Variants in WWOX observed in about 807,000 individuals in gnomAD.
WWOX encodes WW domain-containing oxidoreductase.
WWOX carries 69 observed loss-of-function variants against 46.2 expected under a neutral mutation model. The observed-to-expected ratio is 1.49, with a 90% CI of 1.23 to 1.82. The LOEUF is 1.82. Ranked by LOEUF, WWOX falls within the 40% of genes most tolerant of loss-of-function variation. WWOX has a pLI of 0.00. For synonymous variants in WWOX, 359 were observed against 202.6 expected, an observed-to-expected ratio of 1.77 and a Z score of -6.56; for missense variants, 919 against 542.6, an observed-to-expected ratio of 1.69 and a Z score of -6.89.
At chr16:78,718,097 A>ATT (rs2048610694) in intron 8 of WWOX, among the ~76,000 whole-genome samples, 1 of 68,260 alleles carries the variant, frequency 1.5e-5, no homozygotes, top group African/African-American at 7.0e-5. Context: ...TGGTGGTTGT[A>ATT]TTTTTGCCTC....
intron 8 of WWOX, among the ~76,000 whole-genome samples, chr16:79,058,915 C>T (rs1177596620): frequency 5.3e-5 from 8 of 152,294 alleles, no homozygotes; most frequent in Admixed American, 3.3e-4. Context: ...ACACTTTGGA[C>T]ATGTCAAAAT....
At chr16:78,762,453 A>G (rs930696687) in intron 8 of WWOX, among the ~76,000 whole-genome samples, 1 of 152,200 alleles carries the variant, frequency 6.6e-6, no homozygotes, top group Non-Finnish European at 1.5e-5. Flanking sequence ...TGAGTCGAAT[A>G]GACATTAAGT....
intron 8 of WWOX, among the ~76,000 whole-genome samples, chr16:78,485,515 C>T (rs1337555589): frequency 6.6e-6 from 1 of 152,206 alleles, no homozygotes; most frequent in Non-Finnish European, 1.5e-5. Flanking sequence ...TTCTACTGCA[C>T]CAACTCCCCT....
chr16:78,962,709 ATACT>A (rs2046294177), intron 8 of WWOX, among the ~76,000 whole-genome samples: 1 of 152,290 alleles, frequency 6.6e-6, no homozygotes, highest in African/African-American at 2.4e-5. Flanking sequence ...CAATGAACTC[ATACT>A]TATTTATACA....
At chr16:78,198,588 G>T (rs2036131966) in intron 5 of WWOX, among the ~76,000 whole-genome samples, 1 of 152,124 alleles carries the variant, frequency 6.6e-6, no homozygotes, top group Non-Finnish European at 1.5e-5. Flanking sequence ...TGCTCTCGTG[G>T]CTGCTTCCTG....
intron 8 of WWOX, among the ~76,000 whole-genome samples, chr16:78,573,616 C>G (rs374544830): frequency 5.3e-5 from 8 of 152,206 alleles, no homozygotes; most frequent in African/African-American, 1.9e-4. Context: ...AGTGTACTCT[C>G]TGTCTCACTA....
chr16:78,996,607 T>G (rs763983009), intron 8 of WWOX, among the ~76,000 whole-genome samples: 3 of 151,920 alleles, frequency 2.0e-5, no homozygotes, highest in Non-Finnish European at 4.4e-5. Context: ...CAACAGTATT[T>G]AGATGAGAAT....
intron 5 of WWOX, among the ~76,000 whole-genome samples, chr16:78,352,576 CT>C (rs1269753601): frequency 1.3e-5 from 2 of 152,152 alleles, no homozygotes; most frequent in African/African-American, 4.8e-5. Context: ...TTTAAGGAAC[CT>C]TGTAACTTCA....
At chr16:79,022,600 G>A (rs1361164256) in intron 8 of WWOX, among the ~76,000 whole-genome samples, 3 of 152,176 alleles carry the variant, frequency 2.0e-5, no homozygotes, top group Non-Finnish European at 4.4e-5. Flanking sequence ...CATACTTTTA[G>A]GATGTCAGTC....
At chr16:79,125,215 G>A (rs1378548076) in intron 8 of WWOX, among the ~76,000 whole-genome samples, 1 of 152,122 alleles carries the variant, frequency 6.6e-6, no homozygotes, top group Non-Finnish European at 1.5e-5. Flanking sequence ...GTATATTACA[G>A]CTGTAGTCTG....
chr16:78,582,273 A>T (rs551271372), intron 8 of WWOX, among the ~76,000 whole-genome samples: 1 of 152,286 alleles, frequency 6.6e-6, no homozygotes, highest in South Asian at 2.1e-4. Flanking sequence ...TATACTTTTG[A>T]TAGCAATTGC....
At chr16:79,011,529 T>TC (rs1216015793) in intron 8 of WWOX, among the ~76,000 whole-genome samples, 2 of 151,226 alleles carry the variant, frequency 1.3e-5, no homozygotes, top group Non-Finnish European at 2.9e-5. Context: ...TCTTAATCTG[T>TC]CCCCCAGGCT....
intron 8 of WWOX, among the ~76,000 whole-genome samples, chr16:78,499,590 G>A (rs2085007854): frequency 6.6e-6 from 1 of 152,204 alleles, no homozygotes; most frequent in Non-Finnish European, 1.5e-5. Context: ...CCTGGCCCAG[G>A]GCCCCTTTGC....
intron 8 of WWOX, among the ~76,000 whole-genome samples, chr16:78,755,236 A>C (rs76450156): frequency 1.0e-4 from 3 of 29,802 alleles, no homozygotes; most frequent in South Asian, 2.0e-3. Flanking sequence ...AGTTTCATCA[A>C]AAAAAAAAAA....
At chr16:78,848,670 C>T (rs1312112447) in intron 8 of WWOX, among the ~76,000 whole-genome samples, 1 of 152,144 alleles carries the variant, frequency 6.6e-6, no homozygotes, top group Admixed American at 6.5e-5. Context: ...AGGGCTGACC[C>T]TGAAGCAGAA....
At chr16:79,127,626 C>G (rs1263405828) in intron 8 of WWOX, among the ~76,000 whole-genome samples, 1 of 152,142 alleles carries the variant, frequency 6.6e-6, no homozygotes, top group Non-Finnish European at 1.5e-5. Context: ...AGGATTGAGT[C>G]TTAGAAATAG....
intron 8 of WWOX, among the ~76,000 whole-genome samples, chr16:78,945,201 A>T (rs902261957): frequency 4.6e-5 from 7 of 152,164 alleles, no homozygotes; most frequent in African/African-American, 1.7e-4. Flanking sequence ...AAGAAAAAGA[A>T]AGAAAAAGCT....
At chr16:79,134,800 C>A (rs2049951672) in intron 8 of WWOX, among the ~76,000 whole-genome samples, 1 of 152,134 alleles carries the variant, frequency 6.6e-6, no homozygotes, top group South Asian at 2.1e-4. Context: ...GCTCCAGTTG[C>A]CTGTTTCTTT....
intron 8 of WWOX, among the ~76,000 whole-genome samples, chr16:78,834,896 A>T (rs1309496477): frequency 6.6e-6 from 1 of 152,234 alleles, no homozygotes; most frequent in Non-Finnish European, 1.5e-5. Flanking sequence ...TGTAATAATC[A>T]TGCGTACCAC....
Sources: allele counts gnomAD v4.1 joint callset (sites outside exome capture counted in the v4.1 genomes callset), GRCh38; gene constraint gnomAD v4.1.1; transcripts MANE v1.5; gene names NCBI Gene and HGNC (gene_info 2026-07-23, HGNC 2026-07-21).